Variants in SNW1 observed in about 807,000 individuals in gnomAD.
The protein encoded by SNW1 is SNW domain-containing protein 1.
SNW1 carries 9 observed loss-of-function variants against 75.6 expected under a neutral mutation model. The ratio of observed to expected loss-of-function variants is 0.12; its 90% CI spans 0.07 to 0.21. The LOEUF (loss-of-function observed/expected upper bound fraction) is 0.21, where lower values mean the gene tolerates loss of function less well. Among genes scored for constraint, SNW1 ranks in the 10% least tolerant of loss-of-function variants. The pLI is 1.00. For synonymous variants in SNW1, 200 were observed against 219.1 expected (o/e 0.91, Z 0.77); for missense variants, 409 against 670.9 (o/e 0.61, Z 4.31).
chr14:77,756,744 G>A (rs538723415), intron 1 of SNW1, among the ~76,000 whole-genome samples: 5 of 152,256 alleles, frequency 3.3e-5, no homozygotes, highest in Admixed American at 1.3e-4. Flanking sequence ...TTAGCCAGGC[G>A]TGCTGGTGTG....
chr14:77,733,168 C>G (rs1488034274), intron 8 of SNW1, among the ~76,000 whole-genome samples: 1 of 152,098 alleles, frequency 6.6e-6, no homozygotes, highest in Non-Finnish European at 1.5e-5. Flanking sequence ...TTCACTGATG[C>G]TTTGGTAACA....
At chr14:77,734,494 CTTTG>C (rs1247175073) in intron 8 of SNW1, among the ~76,000 whole-genome samples, 1 of 152,182 alleles carries the variant, frequency 6.6e-6, no homozygotes, top group East Asian at 1.9e-4. Flanking sequence ...AATCTAAGCC[CTTTG>C]GGTGGCCGAG....
intron 3 of SNW1, among the ~76,000 whole-genome samples, chr14:77,749,185 A>G (rs1182257904): frequency 6.6e-6 from 1 of 152,222 alleles, no homozygotes; most frequent in Non-Finnish European, 1.5e-5. Context: ...AATAAATTAC[A>G]TTAGTTAAAG....
intron 10 of SNW1, among the ~76,000 whole-genome samples, chr14:77,726,262 A>G (rs1336329622): frequency 6.6e-6 from 1 of 152,222 alleles, no homozygotes; most frequent in African/African-American, 2.4e-5. Flanking sequence ...TTTCCAATTC[A>G]TGAGCATGGG....
chr14:77,761,030 C>G lies in SNW1; in HGVS notation c.14+84G>C, dbSNP rs530498218. On this transcript the variant is annotated intron_variant, in intron 1 of 13. Transcript: ENST00000261531. The stretch of plus-strand genomic sequence containing the variant: ...TCATTCTGTGCCCCGGGTCAGGTCA[C>G]CGCCCGGAGGGTATGGGAAGAGAAA... 7.4e-6 allele frequency: 12 copies of G among 1,614,220 alleles called. No homozygotes were observed. In the East Asian group the frequency reaches 2.0e-4, roughly 27 times the overall value.
chr14:77,722,774 C>A, intron 11 of SNW1: 1 of 388,578 alleles, frequency 2.6e-6, no homozygotes, highest in South Asian at 2.0e-5. Context: ...CAAAACTGAT[C>A]TTAGTGGACT....
intron 10 of SNW1, among the ~76,000 whole-genome samples, chr14:77,727,056 GTTTT>G (rs137930156): frequency 6.0e-5 from 9 of 150,304 alleles, no homozygotes; most frequent in Admixed American, 1.3e-4. Context: ...TTGATGTCTT[GTTTT>G]TTTTTGTTTT....
chr14:77,756,653 G>A (rs150707284), intron 1 of SNW1, among the ~76,000 whole-genome samples: 1,919 of 152,268 alleles, frequency 0.013, 37 homozygotes, highest in African/African-American at 0.041. Context: ...GGAGGCCGAG[G>A]TGGGTGGATC....
chr14:77,742,676 C>G (rs139215219), intron 3 of SNW1, among the ~76,000 whole-genome samples: 1 of 151,894 alleles, frequency 6.6e-6, no homozygotes, highest in African/African-American at 2.4e-5. Context: ...AAAGTTGTTA[C>G]GGTTTTTTAG....
chr14:77,739,916 TGTG>T (rs1032466464), intron 3 of SNW1, among the ~76,000 whole-genome samples: 1 of 151,776 alleles, frequency 6.6e-6, no homozygotes, highest in African/African-American at 2.4e-5. Flanking sequence ...GGCTGGATCA[TGTG>T]GTCAGGAGAT....
chr14:77,734,902 T>A, intron 8 of SNW1, 45 bp downstream of exon 8: 1 of 1,305,700 alleles, frequency 7.7e-7, no homozygotes, highest in Non-Finnish European at 1.1e-6. Context: ...ACTGGTGTTT[T>A]CCAGTAGGTT....
intron 2 of SNW1, among the ~76,000 whole-genome samples, chr14:77,751,803 A>AAC (rs2080808762): frequency 2.1e-5 from 2 of 96,028 alleles, no homozygotes; most frequent in African/African-American, 9.5e-5. Context: ...CAGTCATGGG[A>AAC]AGACACACAC....
chr14:77,717,839 A>G lies in SNW1; in HGVS notation c.*249T>C, dbSNP rs1376705653. ...TAAAAGTAAGTGGTCTTGACTTTGT[A>G]TGTGGGGCAGCATGTTCTATAAATG... On this transcript the variant is annotated 3_prime_UTR_variant, in exon 14 of 14. Coordinates refer to ENST00000261531, the MANE Select transcript of SNW1 (RefSeq NM_012245.3). The G allele has an allele frequency of 5.3e-6, 3 of 563,326 alleles. No individual in the cohort carries two copies. The highest frequency in any genetic ancestry group is 9.3e-6 in the Non-Finnish European group (3 of 321,342). 34.9% of individuals were successfully genotyped at this position (563,326 alleles called of 1,614,324 possible). A position where few individuals can be genotyped will look rare whatever the true frequency, so the allele number is the denominator to read the frequency against.
At chr14:77,722,315 A>G (rs1301730082) in intron 11 of SNW1, among the ~76,000 whole-genome samples, 1 of 152,118 alleles carries the variant, frequency 6.6e-6, no homozygotes, top group Non-Finnish European at 1.5e-5. Flanking sequence ...ACTTACTAAG[A>G]GTGCTTTGCA....
intron 3 of SNW1, among the ~76,000 whole-genome samples, chr14:77,739,264 G>C (rs913616286): frequency 2.6e-5 from 4 of 152,104 alleles, no homozygotes; most frequent in Non-Finnish European, 1.5e-5. Flanking sequence ...ATTTTCCCTT[G>C]ACCTCATGCA....
intron 8 of SNW1, 67 bp from the exon 9 acceptor site, chr14:77,732,668 AATTTT>A (rs1419836956): frequency 1.0e-6 from 1 of 953,306 alleles, no homozygotes; most frequent in Non-Finnish European, 1.7e-6. Flanking sequence ...AAGTTAAATT[AATTTT>A]ATTTTTTTCG....
intron 10 of SNW1, among the ~76,000 whole-genome samples, chr14:77,730,078 T>C (rs2080616982): frequency 6.6e-6 from 1 of 152,208 alleles, no homozygotes; most frequent in African/African-American, 2.4e-5. Context: ...AGCCATGTAC[T>C]TGCTGGCCCT....
intron 3 of SNW1, among the ~76,000 whole-genome samples, chr14:77,741,084 T>G (rs2080714932): frequency 2.0e-5 from 2 of 101,812 alleles, no homozygotes; most frequent in African/African-American, 4.1e-5. Flanking sequence ...GCAACAAGAG[T>G]GAAACTGTCT....
chr14:77,750,450 T>C (rs1376873797), intron 3 of SNW1, among the ~76,000 whole-genome samples: 1 of 152,110 alleles, frequency 6.6e-6, no homozygotes, highest in East Asian at 1.9e-4. Flanking sequence ...ATAGGAGATA[T>C]AAATCTGCAT....
Sources: allele counts gnomAD v4.1 joint callset (sites outside exome capture counted in the v4.1 genomes callset), GRCh38; gene constraint gnomAD v4.1.1; transcripts MANE v1.5; gene names NCBI Gene and HGNC (gene_info 2026-07-23, HGNC 2026-07-21).